Variants in RBFOX1 observed in about 807,000 individuals in gnomAD.
RBFOX1 encodes RNA binding protein fox-1 homolog 1.
Under a neutral mutation model 57.7 loss-of-function variants are expected in RBFOX1, and 8 were observed. The observed-to-expected ratio is 0.14, with a 90% CI of 0.08 to 0.25. The LOEUF (loss-of-function observed/expected upper bound fraction) is 0.25. RBFOX1 is among the 10% of genes least tolerant of loss of function. RBFOX1 has a pLI of 1.00. For synonymous variants in RBFOX1, 326 were observed against 222.4 expected (o/e 1.47, Z -4.15); for missense variants, 611 against 548.5 (o/e 1.11, Z -1.14).
intron 3 of RBFOX1, among the ~76,000 whole-genome samples, chr16:6,711,795 T>C (rs1327255796): frequency 6.6e-6 from 1 of 152,210 alleles, no homozygotes; most frequent in East Asian, 1.9e-4. Flanking sequence ...TCTTTCAAGA[T>C]CTTTGCATTG....
intron 2 of RBFOX1, among the ~76,000 whole-genome samples, chr16:6,648,524 G>A (rs2098551882): frequency 6.6e-6 from 1 of 152,142 alleles, no homozygotes; most frequent in Middle Eastern, 3.2e-3. Context: ...AATGCCAGGA[G>A]TCTAATGCCA....
At chr16:7,277,130 G>T (rs936702949) in intron 4 of RBFOX1, among the ~76,000 whole-genome samples, 25 of 152,116 alleles carry the variant, frequency 1.6e-4, no homozygotes, top group African/African-American at 5.8e-4. Flanking sequence ...CTGCTGTTCT[G>T]TTCTCAGAAG....
At chr16:5,429,308 G>A (rs1212650650) in intron 1 of RBFOX1, among the ~76,000 whole-genome samples, 1 of 152,174 alleles carries the variant, frequency 6.6e-6, no homozygotes, top group Admixed American at 6.5e-5. Flanking sequence ...GGCCTTTGCG[G>A]TTTGGGTTCA....
intron 1 of RBFOX1, among the ~76,000 whole-genome samples, chr16:6,146,711 T>G (rs1266024971): frequency 1.3e-5 from 2 of 152,258 alleles, no homozygotes; most frequent in Non-Finnish European, 2.9e-5. Flanking sequence ...GTTATTTTTT[T>G]GAAAGTGATA....
intron 4 of RBFOX1, among the ~76,000 whole-genome samples, chr16:7,179,735 T>A (rs561072710): frequency 1.4e-4 from 19 of 135,296 alleles, no homozygotes; most frequent in African/African-American, 3.5e-4. Flanking sequence ...CTTCCCAGAT[T>A]TTTTTTTCTT....
At chr16:6,223,496 C>G (rs1421675659) in intron 1 of RBFOX1, among the ~76,000 whole-genome samples, 1 of 152,136 alleles carries the variant, frequency 6.6e-6, no homozygotes, top group Non-Finnish European at 1.5e-5. Context: ...GCATAAATGT[C>G]TTCTTTTGAG....
At chr16:5,914,874 G>A (rs757828440) in intron 4 of RBFOX1, among the ~76,000 whole-genome samples, 3 of 151,918 alleles carry the variant, frequency 2.0e-5, no homozygotes, top group South Asian at 2.1e-4. Context: ...CAGCCTAGGC[G>A]ACAGAGTGAT....
At chr16:7,267,440 G>A (rs190506312) in intron 4 of RBFOX1, among the ~76,000 whole-genome samples, 3 of 152,014 alleles carry the variant, frequency 2.0e-5, no homozygotes, top group Non-Finnish European at 4.4e-5. Context: ...AGAGGCTGAG[G>A]CAAGAGAATC....
intron 3 of RBFOX1, among the ~76,000 whole-genome samples, chr16:5,626,040 C>T (rs1301661238): frequency 1.3e-5 from 2 of 152,166 alleles, no homozygotes; most frequent in Non-Finnish European, 2.9e-5. Context: ...CCACGCCTGG[C>T]TAATTTTGTA....
intron 3 of RBFOX1, among the ~76,000 whole-genome samples, chr16:6,811,364 C>G (rs1303755346): frequency 6.6e-6 from 1 of 152,170 alleles, no homozygotes; most frequent in African/African-American, 2.4e-5. Context: ...GGTAGGATCA[C>G]TTCTATTAAA....
chr16:7,069,085 G>A (rs2056780729), intron 4 of RBFOX1, among the ~76,000 whole-genome samples: 1 of 152,166 alleles, frequency 6.6e-6, no homozygotes, highest in South Asian at 2.1e-4. Context: ...GTAGCAGATG[G>A]CATCAGATCC....
intron 4 of RBFOX1, among the ~76,000 whole-genome samples, chr16:7,154,685 T>TTA (rs1441903194): frequency 7.0e-6 from 1 of 143,112 alleles, no homozygotes; most frequent in African/African-American, 2.7e-5. Context: ...CCCTCTTCCT[T>TTA]TGTGTGTGTG....
intron 4 of RBFOX1, among the ~76,000 whole-genome samples, chr16:7,161,283 G>A (rs557463367): frequency 4.6e-5 from 7 of 151,508 alleles, no homozygotes; most frequent in African/African-American, 7.3e-5. Flanking sequence ...ATGAGATAGG[G>A]GAATGCAGTA....
intron 2 of RBFOX1, among the ~76,000 whole-genome samples, chr16:6,501,131 C>CTTTTTT (rs1003003339): frequency 3.0e-4 from 32 of 107,888 alleles, no homozygotes; most frequent in African/African-American, 5.7e-4. Context: ...GTTAAACATT[C>CTTTTTT]TTTTTTTTTT....
At chr16:5,523,351 T>C (rs114766767) in intron 2 of RBFOX1, among the ~76,000 whole-genome samples, 6,693 of 152,090 alleles carry the variant, frequency 0.044, 509 homozygotes, top group African/African-American at 0.15. Flanking sequence ...CGCGGTGGTT[T>C]ATGCCTGTAA....
At chr16:7,690,009 C>A (rs918111166) in intron 14 of RBFOX1, among the ~76,000 whole-genome samples, 1 of 152,086 alleles carries the variant, frequency 6.6e-6, no homozygotes, top group South Asian at 2.1e-4. Context: ...AAAGTAGAAA[C>A]CAAAGTTGGA....
chr16:6,295,767 G>C (rs928641769), intron 1 of RBFOX1, among the ~76,000 whole-genome samples: 3 of 152,176 alleles, frequency 2.0e-5, no homozygotes, highest in African/African-American at 7.2e-5. Context: ...TGGCTCAGGA[G>C]GAAAACGTGC....
intron 3 of RBFOX1, among the ~76,000 whole-genome samples, chr16:6,977,156 TATCATATATTATCA>T (rs2087216410): frequency 7.3e-6 from 1 of 137,080 alleles, no homozygotes; most frequent in South Asian, 2.3e-4. Context: ...ATATCATATA[TATCATATATTATCA>T]TATATAGATC....
intron 6 of RBFOX1, among the ~76,000 whole-genome samples, chr16:7,583,148 CTT>C (rs34658435): frequency 0.017 from 2,223 of 132,372 alleles, 50 homozygotes; most frequent in African/African-American, 0.054. Context: ...TCTAGCTCAT[CTT>C]TTTTTTTTTT....
Sources: allele counts gnomAD v4.1 joint callset (sites outside exome capture counted in the v4.1 genomes callset), GRCh38; gene constraint gnomAD v4.1.1; transcripts MANE v1.5; gene names NCBI Gene and HGNC (gene_info 2026-07-23, HGNC 2026-07-21).